Variants in ZNF35 observed in about 807,000 individuals in gnomAD.
The protein encoded by ZNF35 is zinc finger protein 35, also known as zinc finger protein 35 (clone HF.10).
Under a neutral mutation model 45.9 loss-of-function variants are expected in ZNF35, and 31 were observed. The observed-to-expected ratio is 0.68, with a 90% CI of 0.51 to 0.91. The LOEUF (loss-of-function observed/expected upper bound fraction) is 0.91. Among genes scored for constraint, ZNF35 ranks in the 40% least tolerant of loss-of-function variants. The pLI is 0.00. For synonymous variants in ZNF35, 205 were observed against 220.2 expected, an observed-to-expected ratio of 0.93 and a Z score of 0.61; for missense variants, 515 against 625.4, an observed-to-expected ratio of 0.82 and a Z score of 1.88.
rs1431147694 is a variant in ZNF35 at position 44,659,245 on chromosome 3, T to C, written c.882T>C (p.Thr294=). Residue 294 remains threonine, a synonymous_variant, in exon 4 of 4, where the codon ACT becomes ACC. Coordinates refer to ENST00000396056, the MANE Select transcript of ZNF35 (RefSeq NM_003420.4). This position sits in a 1 kb window ranked among gnomAD's most constrained non-coding sequence, Gnocchi z 4.3. The stretch of plus-strand genomic sequence containing the variant: ...CCTTCACTCAGAGTTCAAATCTGAC[T>C]GTACATCAAAAAATCCACTCCTTAG... The part of the protein sequence containing the change: ...GKAFTQSSNL[T]VHQKIHSLEK... 1 of 1,613,826 alleles carries C rather than the reference T, an allele frequency of 6.2e-7. No homozygotes were observed. Among genetic ancestry groups the C allele is most frequent in the African/African-American group, 1.3e-5 (1 of 74,912 alleles).
At chr3:44,648,548 C>G (rs1338108869), upstream of ZNF35, 1 of 152,196 alleles carries the variant, frequency 6.6e-6, no homozygotes, top group Non-Finnish European at 1.5e-5. Flanking sequence ...CTCATCCCTG[C>G]TTGGGATGCG....
chr3:44,655,747 A>C (rs750608251), intron 3 of ZNF35, among the ~76,000 whole-genome samples: 27 of 152,250 alleles, frequency 1.8e-4, no homozygotes, highest in Non-Finnish European at 2.8e-4. Flanking sequence ...AATCACTTGC[A>C]TGAAAACCTT....
upstream of ZNF35, chr3:44,647,170 C>CA (rs1360728746): frequency 2.0e-5 from 3 of 152,028 alleles, no homozygotes; most frequent in African/African-American, 7.2e-5. Flanking sequence ...AAGCAAAAGA[C>CA]AGACATTTCA....
intron 3 of ZNF35, among the ~76,000 whole-genome samples, chr3:44,654,613 T>A (rs1367058902): frequency 6.6e-6 from 1 of 152,224 alleles, no homozygotes; most frequent in East Asian, 1.9e-4. Context: ...GAAATTGTGA[T>A]GTGTTACTGG....
chr3:44,660,287 ACT>A lies in ZNF35; in HGVS notation c.*343_*344del, dbSNP rs1703378527. 6 of 177,830 alleles carry A rather than the reference ACT, an allele frequency of 3.4e-5. No homozygotes were observed. The highest frequency in any genetic ancestry group is 1.7e-4 in the Admixed American group (3 of 17,808). The allele number at this position is 177,830 out of a possible 1,614,324, so 11.0% of individuals were successfully genotyped here. On this transcript the variant is annotated 3_prime_UTR_variant, in exon 4 of 4. Transcript: ENST00000396056. ...TTTTTGCTTAATTTTGTTTTTTAAA[ACT>A]CTGATGATTGCTTGAGCAACAGGCA... is the stretch of plus-strand genomic sequence containing the variant.
intron 3 of ZNF35, among the ~76,000 whole-genome samples, chr3:44,655,915 AAGTC>A (rs1204716904): frequency 3.3e-5 from 5 of 152,230 alleles, no homozygotes; most frequent in Non-Finnish European, 7.3e-5. Flanking sequence ...GTAGGAGTGA[AAGTC>A]AGGGAGACAG....
At chr3:44,646,618 A>G (rs1702974061), upstream of ZNF35, 6 of 779,130 alleles carry the variant, frequency 7.7e-6, no homozygotes, top group Non-Finnish European at 1.4e-5. Context: ...GATGAAAAAG[A>G]GAGGGGAGTG....
upstream of ZNF35, chr3:44,647,533 A>C (rs557805914): frequency 2.6e-5 from 4 of 152,236 alleles, no homozygotes; most frequent in Non-Finnish European, 5.9e-5. Flanking sequence ...GTAATGGTCG[A>C]AACCTGTAGG....
In ZNF35 at chr3:44,659,142, T is replaced by C. The variant is rs144064090; in HGVS notation, c.779T>C (p.Ile260Thr). 2 of 1,612,586 alleles carry C rather than the reference T, an allele frequency of 1.2e-6. No individual in the cohort carries two copies. The highest frequency in any genetic ancestry group is 1.7e-6 in the Non-Finnish European group (2 of 1,179,528). The change falls in exon 4 of 4, where the codon ATT (isoleucine) becomes ACT (threonine). Residue 260 changes from isoleucine (I) to threonine (T), a missense_variant. By Grantham distance (89) the Ile-to-Thr change is moderately conservative. Transcript: ENST00000396056. The surrounding 1 kb of genome is among the most constrained non-coding windows in gnomAD (Gnocchi z 4.3). ...TGTCATGAGTGTGGGAAGGCCTTCATTCAGAGTGCAAACCTCGTTGTGCAT... is the reference window on the plus strand; with the variant it reads ...TGTCATGAGTGTGGGAAGGCCTTCACTCAGAGTGCAAACCTCGTTGTGCAT... ...FECHECGKAFIQSANLVVHQR... is the reference protein window; with the variant it reads ...FECHECGKAFTQSANLVVHQR...
chr3:44,655,026 T>C (rs949519055), intron 3 of ZNF35, among the ~76,000 whole-genome samples: 2 of 151,998 alleles, frequency 1.3e-5, no homozygotes, highest in African/African-American at 4.8e-5. Flanking sequence ...CCCAGCTACT[T>C]GGGAAGCTGA....
At chr3:44,649,025 G>A (rs1393543327) in intron 1 of ZNF35, among the ~76,000 whole-genome samples, 191 bp downstream of exon 1, 2 of 152,340 alleles carry the variant, frequency 1.3e-5, no homozygotes, top group Non-Finnish European at 2.9e-5. Flanking sequence ...GCCTGGTCCG[G>A]GAGAGGATGC....
At chr3:44,648,961 CG>C (rs922097046) in intron 1 of ZNF35, 127 bp downstream of exon 1, 2 of 152,506 alleles carry the variant, frequency 1.3e-5, no homozygotes, top group Non-Finnish European at 2.9e-5. Context: ...TGTCGGGGTG[CG>C]GGGGGCAGTG....
chr3:44,653,788 A>T lies in ZNF35; in HGVS notation c.337+1087A>T, dbSNP rs543886868. Among the ~76,000 whole-genome samples the T allele has an allele frequency of 2.0e-5, 3 of 152,316 alleles. 1 individual carries two copies. Among genetic ancestry groups the T allele is most frequent in the African/African-American group, 7.2e-5 (3 of 41,566 alleles). On this transcript the variant is annotated intron_variant, in intron 3 of 3. Coordinates refer to ENST00000396056, the MANE Select transcript of ZNF35 (RefSeq NM_003420.4). The stretch of plus-strand genomic sequence containing the variant: ...CTTGCCTGTGGAGGAGTGACATATA[A>T]GTGAGGGTCAAGAATGCAGTAGCCA...
chr3:44,651,286 G>A (rs1346577892), intron 2 of ZNF35, 27 bp downstream of exon 2: 4 of 1,602,572 alleles, frequency 2.5e-6, no homozygotes, highest in Middle Eastern at 1.7e-4. Flanking sequence ...GAGGAAGAGG[G>A]GAGGAGATAC....
chr3:44,646,588 A>G, upstream of ZNF35: 1 of 896,200 alleles, frequency 1.1e-6, no homozygotes, highest in Non-Finnish European at 1.9e-6. Context: ...GCTGCCCTGG[A>G]TTCTTCAAAA....
chr3:44,651,278 G>A lies in ZNF35; in HGVS notation c.192+19G>A, dbSNP rs745947035. On this transcript the variant is annotated intron_variant, in intron 2 of 3. Coordinates refer to ENST00000396056, the MANE Select transcript of ZNF35 (RefSeq NM_003420.4). ...AGAAAAGGTAAACGGGGGCCTGAGA[G>A]GAAGAGGGGAGGAGATACTTGAAGA... The A allele has an allele frequency of 3.7e-6, 6 of 1,606,968 alleles. No homozygotes were observed. In the African/African-American group the frequency reaches 4.0e-5, roughly 11 times the overall value.
rs772264824 is a variant in ZNF35, at chr3:44,659,209, A to G, written c.846A>G (p.Lys282=). The G allele has an allele frequency of 6.2e-7, 1 of 1,614,144 alleles. No homozygotes were observed. Among genetic ancestry groups the G allele is most frequent in the Admixed American group, 1.7e-5 (1 of 60,024 alleles). Residue 282 remains lysine (K), a synonymous_variant, in exon 4 of 4, where the codon AAA becomes AAG. Transcript: ENST00000396056. The surrounding 1 kb of genome is among the most constrained non-coding windows in gnomAD (Gnocchi z 4.3). Reference sequence around the variant, plus strand: ...GACAGAAACCTTATGTTTGCTCAAAATGTGGGAAAGCCTTCACTCAGAGTT... The same window carrying G: ...GACAGAAACCTTATGTTTGCTCAAAGTGTGGGAAAGCCTTCACTCAGAGTT... ...HTGQKPYVCS[K]CGKAFTQSSN...
chr3:44,652,607 G>A lies in ZNF35; in HGVS notation c.243G>A (p.Glu81=), dbSNP rs764223432. The part of the protein sequence containing the change: ...DMAVVLKATQ[E]APAASTLGSY... ...CGGTAGTCCTGAAAGCAACTCAGGA[G>A]GCACCTGCTGCTTCAACCCTTGGCA... The change falls in exon 3 of 4, where the codon GAG becomes GAA. Residue 81 remains glutamate, a synonymous_variant. Coordinates refer to ENST00000396056, the MANE Select transcript of ZNF35 (RefSeq NM_003420.4). 9.3e-6 allele frequency: 15 copies of A among 1,611,210 alleles called. No individual in the cohort carries two copies. Among genetic ancestry groups the A allele is most frequent in the South Asian group, 2.2e-5 (2 of 90,180 alleles).
chr3:44,649,160 G>T (rs765062985), intron 1 of ZNF35, among the ~76,000 whole-genome samples: 9 of 152,242 alleles, frequency 5.9e-5, no homozygotes, highest in Non-Finnish European at 1.2e-4. Flanking sequence ...CTTTGATAGA[G>T]GGCCCTGTGC....
Sources: gnomAD v4.1 joint callset for allele counts (sites outside exome capture counted in the v4.1 genomes callset) on GRCh38, gnomAD v4.1.1 for gene constraint, Gnocchi (gnomAD v3.1) non-coding constraint, MANE v1.5 for transcripts, NCBI Gene and HGNC (gene_info 2026-07-23, HGNC 2026-07-21) for gene names.